HDAC9: variants seen among roughly 807,000 people sequenced by gnomAD.
HDAC9 encodes histone deacetylase 9, also known as MEF-2 interacting transcription repressor (MITR) protein.
A neutral mutation model predicts 139.4 loss-of-function variants in HDAC9; 41 were observed. That is an observed-to-expected ratio of 0.29 (90% CI 0.23 to 0.38). The LOEUF (loss-of-function observed/expected upper bound fraction) is 0.38, where lower values mean the gene tolerates loss of function less well. Ranked by LOEUF, HDAC9 falls within the 10% of genes least tolerant of loss-of-function variation. The pLI is 1.00. For synonymous variants in HDAC9, 517 were observed against 476.2 expected (o/e 1.09, Z -1.12); for missense variants, 1,147 against 1,297.0 (o/e 0.88, Z 1.78).
chr7:18,339,419 A>G (rs1781827394), intron 1 of HDAC9, among the ~76,000 whole-genome samples: 1 of 151,266 alleles, frequency 6.6e-6, no homozygotes, highest in Non-Finnish European at 1.5e-5. Flanking sequence ...ATTTTCCCCT[A>G]AGTTCTATTT....
At chr7:18,933,700 G>C (rs545013851) in intron 22 of HDAC9, among the ~76,000 whole-genome samples, 2 of 151,982 alleles carry the variant, frequency 1.3e-5, no homozygotes, top group Non-Finnish European at 2.9e-5. Context: ...AAACAACAGA[G>C]AGCAAACTAA....
intron 16 of HDAC9, among the ~76,000 whole-genome samples, chr7:18,781,356 A>G (rs953154578): frequency 2.6e-5 from 4 of 151,910 alleles, no homozygotes; most frequent in Admixed American, 6.6e-5. Context: ...CAACTATATA[A>G]CTTTGGTCAA....
chr7:18,504,591 C>T (rs528944390), intron 2 of HDAC9, among the ~76,000 whole-genome samples: 7 of 152,314 alleles, frequency 4.6e-5, no homozygotes, highest in South Asian at 4.1e-4. Context: ...AGGCATGAGC[C>T]GCTGCGCCCA....
chr7:18,711,163 A>G (rs997091029), intron 12 of HDAC9, among the ~76,000 whole-genome samples: 1 of 152,210 alleles, frequency 6.6e-6, no homozygotes, highest in East Asian at 1.9e-4. Context: ...TACAAATTCA[A>G]AAGATGGGGC....
At chr7:18,522,624 A>T (rs1195411313) in intron 2 of HDAC9, among the ~76,000 whole-genome samples, 1 of 152,106 alleles carries the variant, frequency 6.6e-6, no homozygotes, top group Non-Finnish European at 1.5e-5. Context: ...AAACAAAAAA[A>T]AAAACATCTA....
Position 18,138,981 on chromosome 7 carries a change from A to G in HDAC9, c.-96-23248A>G, listed in dbSNP as rs886629099. 5.9e-5 allele frequency among the ~76,000 whole-genome samples: 9 copies of G among 152,126 alleles called. No individual in the cohort carries two copies. The East Asian group carries it at 7.7e-4, about 13-fold the overall frequency. Reference sequence around the variant, plus strand: ...TTACTAGCAGTTCTAGTAATCTTCCATTTCTAAACTTGGTAGTCAGGTAAT... The same window carrying G: ...TTACTAGCAGTTCTAGTAATCTTCCGTTTCTAAACTTGGTAGTCAGGTAAT... On this transcript the variant is annotated intron_variant, in intron 1 of 12. Transcript: ENST00000417496.
intron 1 of HDAC9, among the ~76,000 whole-genome samples, chr7:18,375,860 G>A (rs1001548575): frequency 3.9e-5 from 6 of 152,142 alleles, no homozygotes; most frequent in African/African-American, 1.4e-4. Context: ...AATGCATTAG[G>A]ATCTGTCCCT....
chr7:18,469,368 C>A (rs1794551591), intron 1 of HDAC9, among the ~76,000 whole-genome samples: 1 of 151,892 alleles, frequency 6.6e-6, no homozygotes, highest in Admixed American at 6.6e-5. Flanking sequence ...TCTCATAAAT[C>A]AAAAAGCAGT....
chr7:18,972,633 A>G (rs1263704309), intron 24 of HDAC9, among the ~76,000 whole-genome samples: 1 of 151,914 alleles, frequency 6.6e-6, no homozygotes. Context: ...CACCCCCTTC[A>G]GCCTCCCAAA....
intron 12 of HDAC9, among the ~76,000 whole-genome samples, chr7:18,670,424 AG>A (rs1465362067): frequency 6.6e-6 from 1 of 152,072 alleles, no homozygotes; most frequent in East Asian, 1.9e-4. Context: ...AACATCTTTG[AG>A]GCTATAAACT....
At chr7:18,730,953 G>T (rs1227627635) in intron 13 of HDAC9, among the ~76,000 whole-genome samples, 1 of 152,134 alleles carries the variant, frequency 6.6e-6, no homozygotes, top group East Asian at 1.9e-4. Flanking sequence ...ATGCACTGGT[G>T]ACACTGCCAC....
chr7:18,471,194 A>G (rs1173056466), intron 1 of HDAC9, among the ~76,000 whole-genome samples: 1 of 152,082 alleles, frequency 6.6e-6, no homozygotes, highest in Admixed American at 6.6e-5. Context: ...AGCACTTGGA[A>G]CTATAACCGG....
chr7:18,812,721 C>T (rs996794483), intron 17 of HDAC9, among the ~76,000 whole-genome samples: 2 of 151,532 alleles, frequency 1.3e-5, no homozygotes, highest in African/African-American at 4.9e-5. Context: ...GCTAATATTT[C>T]TTCAAACACA....
intron 21 of HDAC9, among the ~76,000 whole-genome samples, chr7:18,865,583 GC>G (rs1370183205): frequency 6.6e-6 from 1 of 152,000 alleles, no homozygotes; most frequent in Non-Finnish European, 1.5e-5. Context: ...TTCATTTAGT[GC>G]CCCCCACAAG....
At chr7:18,813,481 G>T (rs560854939) in intron 17 of HDAC9, among the ~76,000 whole-genome samples, 1 of 152,060 alleles carries the variant, frequency 6.6e-6, no homozygotes, top group South Asian at 2.1e-4. Flanking sequence ...AATTTTATGG[G>T]TCATACTCAT....
At chr7:18,114,425 C>T (rs1783831809) in intron 1 of HDAC9, among the ~76,000 whole-genome samples, 1 of 152,136 alleles carries the variant, frequency 6.6e-6, no homozygotes, top group Admixed American at 6.5e-5. Flanking sequence ...TAGTGTTTGC[C>T]AAAGGGGATG....
chr7:18,614,526 G>T (rs1218847462), intron 6 of HDAC9, among the ~76,000 whole-genome samples: 1 of 152,016 alleles, frequency 6.6e-6, no homozygotes, highest in Non-Finnish European at 1.5e-5. Flanking sequence ...ATAATGCCTA[G>T]TGTAAACGTT....
intron 2 of HDAC9, among the ~76,000 whole-genome samples, chr7:18,501,078 A>C (rs1484222339): frequency 6.6e-6 from 1 of 152,160 alleles, no homozygotes; most frequent in African/African-American, 2.4e-5. Flanking sequence ...GAAATTCTCA[A>C]ACATGAAAGA....
chr7:18,432,938 G>A (rs764844639), intron 1 of HDAC9, among the ~76,000 whole-genome samples: 1 of 148,766 alleles, frequency 6.7e-6, no homozygotes, highest in Non-Finnish European at 1.5e-5. Flanking sequence ...GCAACAGAAT[G>A]AGACTCTGTC....
Sources: gnomAD v4.1 joint callset for allele counts (sites outside exome capture counted in the v4.1 genomes callset) on GRCh38, gnomAD v4.1.1 for gene constraint, MANE v1.5 for transcripts, NCBI Gene and HGNC (gene_info 2026-07-23, HGNC 2026-07-21) for gene names.